The following MGAM2 variants were observed in gnomAD, a reference collection of about 807,000 sequenced individuals.
MGAM2 encodes the protein probable maltase-glucoamylase 2.
In MGAM2, 98 loss-of-function variants were observed where a neutral mutation model predicts 96.1. The observed-to-expected ratio is 1.02, with a 90% confidence interval of 0.87 to 1.21. The LOEUF (loss-of-function observed/expected upper bound fraction) is 1.21. MGAM2 is among the 50% of genes most tolerant of loss of function. The pLI, the probability that MGAM2 is intolerant of heterozygous loss-of-function variation, is 0.00. For missense variants in MGAM2, 2,055 were observed against 1,182.4 expected, an observed-to-expected ratio of 1.74 and a Z score of -10.82; for synonymous variants, 749 against 414.8, an observed-to-expected ratio of 1.81 and a Z score of -9.79.
At chr7:142,161,696 A>T (rs905630411) in intron 22 of MGAM2, among the ~76,000 whole-genome samples, 1 of 152,238 alleles carries the variant, frequency 6.6e-6, no homozygotes, top group Non-Finnish European at 1.5e-5. Context: ...ATCCAGCAGG[A>T]TAGATACAAT....
At position 142,161,119 on chromosome 7, in the gene MGAM2, T is replaced by C. The variant is rs1349228571; in HGVS notation, c.2346-6T>C. ...TTCTCTGAAACTGGGAAGTACTCTT[T>C]TACAGCCGGAGGAATTCCCTGGGAC... On this transcript the variant is annotated splice_region_variant and splice_polypyrimidine_tract_variant and intron_variant, in intron 21 of 47. Coordinates refer to ENST00000477922, the MANE Select transcript of MGAM2 (RefSeq NM_001293626.2). 1 of 702,334 alleles carries C rather than the reference T, an allele frequency of 1.4e-6. No individual in the cohort carries two copies. The highest frequency in any genetic ancestry group is 2.6e-6 in the Non-Finnish European group (1 of 384,544). The allele number at this position is 702,334 out of a possible 1,614,324, so 43.5% of individuals were successfully genotyped here. A position where few individuals can be genotyped will look rare whatever the true frequency, so the allele number is the denominator to read the frequency against.
At chr7:142,164,309 T>C (rs1213696700) in intron 23 of MGAM2, among the ~76,000 whole-genome samples, 1 of 152,230 alleles carries the variant, frequency 6.6e-6, no homozygotes, top group Non-Finnish European at 1.5e-5. Flanking sequence ...TTTCTGTGTT[T>C]CAGTCTCCTC....
In MGAM2 at chr7:142,167,607, C is replaced by T. The variant is rs542954732; in HGVS notation, c.3027+121C>T. The T allele has an allele frequency of 9.5e-6, 6 of 632,384 alleles. No homozygotes were observed. In the East Asian group the frequency reaches 1.6e-4, roughly 17 times the overall value. 39.2% of individuals were successfully genotyped at this position (632,384 alleles called of 1,614,324 possible). A position where few individuals can be genotyped will look rare whatever the true frequency, so the allele number is the denominator to read the frequency against. On this transcript the variant is annotated intron_variant, in intron 26 of 47. Transcript: ENST00000477922. ...TTTCTTTTCAAGACAGGATCTCCCACTGACACCCAGGCTGGAATGCAGGGG... is the reference window on the plus strand; with the variant it reads ...TTTCTTTTCAAGACAGGATCTCCCATTGACACCCAGGCTGGAATGCAGGGG...
chr7:142,214,349 G>A (rs1241270530), intron 46 of MGAM2, among the ~76,000 whole-genome samples: 1 of 152,150 alleles, frequency 6.6e-6, no homozygotes, highest in East Asian at 1.9e-4. Context: ...ATTCAAATAG[G>A]AAGAGAGGAA....
At chr7:142,194,533 C>G (rs12703442) in intron 37 of MGAM2, among the ~76,000 whole-genome samples, 103,820 of 152,008 alleles carry the variant, frequency 0.68, 35,514 homozygotes, top group African/African-American at 0.71. Context: ...ACCCCCATTT[C>G]TTTATCACAC....
At chr7:142,194,955 G>C (rs912823025) in intron 37 of MGAM2, among the ~76,000 whole-genome samples, 1 of 152,086 alleles carries the variant, frequency 6.6e-6, no homozygotes, top group Admixed American at 6.5e-5. Flanking sequence ...CCCTCACACA[G>C]TTGTTGTTAT....
Position 142,120,322 on chromosome 7 carries a change from T to C in MGAM2, c.127T>C (p.Cys43Arg), listed in dbSNP as rs1171187158. ...TGCAGATACTTCATTTACTCCAGAGTGCCCAGAGATTCCCCAGTCGGAAAG... is the reference window on the plus strand; with the variant it reads ...TGCAGATACTTCATTTACTCCAGAGCGCCCAGAGATTCCCCAGTCGGAAAG... ...ETSDTSFTPE[C>R]PEIPQSERID... Residue 43 changes from cysteine to arginine, a missense_variant, in exon 3 of 48, where the codon TGC (cysteine) becomes CGC (arginine). Coordinates refer to ENST00000477922, the MANE Select transcript of MGAM2 (RefSeq NM_001293626.2). The C allele has an allele frequency of 1.4e-6, 1 of 703,138 alleles. No homozygotes were observed. The highest frequency in any genetic ancestry group is 2.6e-6 in the Non-Finnish European group (1 of 384,986). The allele number at this position is 703,138 out of a possible 1,614,324, so 43.6% of individuals were successfully genotyped here.
At chr7:142,198,575 T>G (rs139410693) in intron 43 of MGAM2, 40 bp from the exon 44 acceptor site, 9 of 699,552 alleles carry the variant, frequency 1.3e-5, no homozygotes, top group Non-Finnish European at 2.3e-5. Context: ...ATTTAATATA[T>G]TTATCTCTCG....
In MGAM2 at chr7:142,221,096, C is replaced by A; in HGVS notation, c.6585C>A (p.Ser2195Arg). The change falls in exon 48 of 48, where the codon AGC becomes AGA. Residue 2195 changes from serine to arginine, a missense_variant. Transcript: ENST00000477922. ...SLANTGVDTT[S>R]NSFSIMTTSF... is the part of the protein sequence containing the mutation. The stretch of plus-strand genomic sequence containing the variant: ...CAAATACTGGTGTTGACACTACTAG[C>A]AACAGTTTTTCCATTATGACCACTT... 1 of 702,444 alleles carries A rather than the reference C, an allele frequency of 1.4e-6. No homozygotes were observed. Among genetic ancestry groups the A allele is most frequent in the Admixed American group, 2.0e-5 (1 of 49,974 alleles). The allele number at this position is 702,444 out of a possible 1,614,324, so 43.5% of individuals were successfully genotyped here.
intron 13 of MGAM2, 38 bp downstream of exon 13, chr7:142,143,920 C>A: frequency 1.4e-6 from 1 of 698,492 alleles, no homozygotes; most frequent in Non-Finnish European, 2.6e-6. Flanking sequence ...CCTTTGGAAA[C>A]AGATAACGCC....
rs1797946181 is a variant in MGAM2 at position 142,221,994 on chromosome 7, G to T, written c.7483G>T (p.Val2495Leu). ...AAATACTACCACTCCTGATAGTACA[G>T]TACATACCTCTGCTACTGCACCTAC... ...ALNTTTPDSTVHTSATAPTYI... is the reference protein window; with the variant it reads ...ALNTTTPDSTLHTSATAPTYI... Residue 2495 changes from valine (V) to leucine (L), a missense_variant, in exon 48 of 48, where the codon GTA becomes TTA. By Grantham distance (32) the Val-to-Leu change is conservative (BLOSUM62 1). Coordinates refer to ENST00000477922, the MANE Select transcript of MGAM2 (RefSeq NM_001293626.2). 2.5e-6 allele frequency: 1 copy of T among 398,424 alleles called. No individual in the cohort carries two copies. Among genetic ancestry groups the T allele is most frequent in the Non-Finnish European group, 4.4e-6 (1 of 225,948 alleles). 24.7% of individuals were successfully genotyped at this position (398,424 alleles called of 1,614,324 possible). A position where few individuals can be genotyped will look rare whatever the true frequency, so the allele number is the denominator to read the frequency against.
At chr7:142,178,039 A>G (rs1335909362) in intron 32 of MGAM2, among the ~76,000 whole-genome samples, 3 of 152,024 alleles carry the variant, frequency 2.0e-5, no homozygotes, top group Non-Finnish European at 4.4e-5. Flanking sequence ...CTATTTTTTG[A>G]CTTTCCAACA....
At chr7:142,125,337 A>G (rs1462180297) in intron 3 of MGAM2, among the ~76,000 whole-genome samples, 2 of 152,156 alleles carry the variant, frequency 1.3e-5, no homozygotes, top group African/African-American at 4.8e-5. Flanking sequence ...GGATATTGGT[A>G]ATGGTTGAAA....
At chr7:142,216,388 A>G (rs1797761699) in intron 46 of MGAM2, among the ~76,000 whole-genome samples, 1 of 152,194 alleles carries the variant, frequency 6.6e-6, no homozygotes, top group Admixed American at 6.5e-5. Flanking sequence ...TTGCCCTTTA[A>G]TAACATCTAA....
intron 19 of MGAM2, 125 bp from the exon 20 acceptor site, chr7:142,159,162 A>G (rs1218198963): frequency 1.6e-6 from 1 of 616,132 alleles, no homozygotes; most frequent in Non-Finnish European, 2.9e-6. Context: ...TTTCCTTTGT[A>G]GAATGGGATG....
intron 7 of MGAM2, 27 bp downstream of exon 7, chr7:142,134,179 G>A (rs538902859): frequency 3.6e-5 from 26 of 715,582 alleles, no homozygotes; most frequent in African/African-American, 3.6e-4. Flanking sequence ...CCTGAGTATC[G>A]CCCACAGTAA....
In MGAM2 at chr7:142,221,944, C is replaced by T. The variant is rs1283348139; in HGVS notation, c.7433C>T (p.Thr2478Ile). The stretch of plus-strand genomic sequence containing the variant: ...ACTGCAACTAGTGCTACCACAGATA[C>T]TACAAATATTACAAAATATGCTTTA... The part of the protein sequence containing the change: ...PITATSATTD[T>I]TNITKYALNT... Residue 2478 changes from threonine to isoleucine, a missense_variant, in exon 48 of 48, where the codon ACT becomes ATT. By Grantham distance (89) the Thr-to-Ile change is moderately conservative. Transcript: ENST00000477922. 2.5e-6 allele frequency: 1 copy of T among 399,406 alleles called. No homozygotes were observed. The highest frequency in any genetic ancestry group is 4.4e-6 in the Non-Finnish European group (1 of 226,724). The allele number at this position is 399,406 out of a possible 1,614,324, so 24.7% of individuals were successfully genotyped here. A position where few individuals can be genotyped will look rare whatever the true frequency, so the allele number is the denominator to read the frequency against.
At chr7:142,137,740 G>A (rs566543881) in intron 9 of MGAM2, among the ~76,000 whole-genome samples, 195 bp downstream of exon 9, 2 of 152,270 alleles carry the variant, frequency 1.3e-5, no homozygotes, top group South Asian at 4.1e-4. Context: ...GAGACACTGT[G>A]CAAGGCTTGA....
At chr7:142,144,033 T>C (rs1399778012) in intron 13 of MGAM2, 151 bp downstream of exon 13, 2 of 508,514 alleles carry the variant, frequency 3.9e-6, no homozygotes, top group Non-Finnish European at 7.1e-6. Context: ...AGGCTGAGTC[T>C]ATATCCAGTG....
Sources: allele counts gnomAD v4.1 joint callset (sites outside exome capture counted in the v4.1 genomes callset), GRCh38; gene constraint gnomAD v4.1.1; transcripts MANE v1.5; gene names NCBI Gene and HGNC (gene_info 2026-07-23, HGNC 2026-07-21).